DPF3: variants seen among roughly 807,000 people sequenced by gnomAD.
DPF3 encodes zinc finger protein DPF3.
In DPF3, 18 loss-of-function variants were observed where a neutral mutation model predicts 56.8. The observed-to-expected ratio is 0.32, with a 90% CI of 0.22 to 0.47. The LOEUF (loss-of-function observed/expected upper bound fraction) is 0.47, where lower values mean the gene tolerates loss of function less well. Ranked by LOEUF, DPF3 falls within the 20% of genes least tolerant of loss-of-function variation. DPF3 has a pLI of 1.00. For synonymous variants in DPF3, 188 were observed against 180.2 expected (o/e 1.04, Z -0.35); for missense variants, 403 against 488.8 (o/e 0.82, Z 1.65).
rs187775862 is a variant in DPF3, at chr14:72,810,690, C to G, written c.33-38797G>C. Among the ~76,000 whole-genome samples the G allele has an allele frequency of 2.2e-4, 34 of 152,244 alleles. No homozygotes were observed. In the East Asian group the frequency reaches 6.0e-3, roughly 27 times the overall value. ...TAGGGTCCCCCACCCAGCAAGCACCCACATCACGTTTCATCAGAAGAACTC... is the reference window on the plus strand; with the variant it reads ...TAGGGTCCCCCACCCAGCAAGCACCGACATCACGTTTCATCAGAAGAACTC... On this transcript the variant is annotated intron_variant, in intron 1 of 10. Coordinates refer to ENST00000556509, the MANE Select transcript of DPF3 (RefSeq NM_001280542.3).
At chr14:72,711,810 G>A (rs896060534) in intron 6 of DPF3, among the ~76,000 whole-genome samples, 1 of 152,126 alleles carries the variant, frequency 6.6e-6, no homozygotes, top group Non-Finnish European at 1.5e-5. Flanking sequence ...CATCATGGAA[G>A]AAAGGGCAGC....
chr14:72,753,708 A>G (rs141505090), intron 2 of DPF3, among the ~76,000 whole-genome samples: 1 of 152,254 alleles, frequency 6.6e-6, no homozygotes, highest in South Asian at 2.1e-4. Flanking sequence ...AAAGCAGTGG[A>G]TCTCTATCCA....
chr14:72,662,248 A>G (rs1322257101), intron 8 of DPF3: 1 of 985,448 alleles, frequency 1.0e-6, no homozygotes, highest in East Asian at 1.1e-4. Context: ...AAAGCCTGAG[A>G]GAGCAGAGTT....
intron 6 of DPF3, 58 bp downstream of exon 6, chr14:72,714,365 A>AG (rs1385757030): frequency 1.3e-6 from 2 of 1,598,704 alleles, no homozygotes; most frequent in African/African-American, 1.3e-5. Context: ...CACAGGGAAG[A>AG]GGGGCCCTGG....
intron 3 of DPF3, among the ~76,000 whole-genome samples, chr14:72,747,036 C>G (rs1890354753): frequency 6.6e-6 from 1 of 152,232 alleles, no homozygotes; most frequent in African/African-American, 2.4e-5. Context: ...GCAGAAGGCA[C>G]AAACACTCAA....
intron 2 of DPF3, among the ~76,000 whole-genome samples, chr14:72,760,638 C>T (rs1316703547): frequency 1.3e-5 from 2 of 152,002 alleles, no homozygotes; most frequent in Non-Finnish European, 2.9e-5. Context: ...TGAAAGTTAA[C>T]TATAATTAAA....
At chr14:72,879,836 G>A in intron 1 of DPF3, 1 of 1,535,636 alleles carries the variant, frequency 6.5e-7, no homozygotes, top group Non-Finnish European at 8.7e-7. Flanking sequence ...GGCATCCAGA[G>A]ATGGGCTCTT....
chr14:72,645,099 T>G (rs1211269592), intron 8 of DPF3, among the ~76,000 whole-genome samples: 1 of 152,238 alleles, frequency 6.6e-6, no homozygotes, highest in Admixed American at 6.5e-5. Context: ...AAAAGTTTCA[T>G]GTGAGAATTA....
At chr14:72,893,424 C>G (rs1347601948) in intron 1 of DPF3, among the ~76,000 whole-genome samples, 1 of 152,122 alleles carries the variant, frequency 6.6e-6, no homozygotes, top group Non-Finnish European at 1.5e-5. Flanking sequence ...CGGGGAAAGC[C>G]CGGGGCGACC....
intron 1 of DPF3, among the ~76,000 whole-genome samples, chr14:72,834,842 A>G (rs956123624): frequency 1.1e-4 from 17 of 152,248 alleles, no homozygotes; most frequent in African/African-American, 3.9e-4. Context: ...TGGCGTATTC[A>G]TACAAGGGAC....
chr14:72,851,345 C>G (rs574511092), intron 1 of DPF3, among the ~76,000 whole-genome samples: 12 of 152,158 alleles, frequency 7.9e-5, no homozygotes, highest in Non-Finnish European at 1.5e-4. Flanking sequence ...TCAAAACAAG[C>G]CTTTTTCTCT....
At position 72,889,553 on chromosome 14, in the gene DPF3, C is replaced by T. The variant is rs1886672035; in HGVS notation, c.32+4504G>A. Among the ~76,000 whole-genome samples, 3 of 152,190 alleles carry T rather than the reference C, an allele frequency of 2.0e-5. No individual in the cohort carries two copies. In the South Asian group the frequency reaches 6.2e-4, roughly 32 times the overall value. On this transcript the variant is annotated intron_variant, in intron 1 of 10. Transcript: ENST00000556509. The stretch of plus-strand genomic sequence containing the variant: ...CCTACCCACATCCCCCCAACCTCGA[C>T]AGAAAGAGCTAAGAGGAGATTAGAA...
At chr14:72,642,388 T>G (rs1041315393) in intron 8 of DPF3, among the ~76,000 whole-genome samples, 1 of 152,246 alleles carries the variant, frequency 6.6e-6, no homozygotes, top group Non-Finnish European at 1.5e-5. Flanking sequence ...GTCTGCATTG[T>G]GCTCCCAGCC....
chr14:72,736,824 G>A (rs1240102066), intron 3 of DPF3, among the ~76,000 whole-genome samples: 1 of 151,884 alleles, frequency 6.6e-6, no homozygotes, highest in African/African-American at 2.4e-5. Flanking sequence ...CACATAACCC[G>A]ACAGGAGCCA....
intron 6 of DPF3, among the ~76,000 whole-genome samples, chr14:72,709,274 G>A (rs1274811883): frequency 1.3e-5 from 2 of 152,186 alleles, no homozygotes; most frequent in Non-Finnish European, 2.9e-5. Flanking sequence ...GAGAGGGCCC[G>A]CTCCTGGTGT....
At position 72,715,348 on chromosome 14, in the gene DPF3, C is replaced by T. The variant is rs999753015; in HGVS notation, c.526-847G>A. 5.3e-5 allele frequency among the ~76,000 whole-genome samples: 8 copies of T among 152,234 alleles called. 1 individual carries two copies. In the South Asian group the frequency reaches 1.0e-3, roughly 20 times the overall value. Reference sequence around the variant, plus strand: ...CAGGGCGGTGGTGACAAGAACACAGCGAGGTTTATTTTTAAACCTTTGTAA... The same window carrying T: ...CAGGGCGGTGGTGACAAGAACACAGTGAGGTTTATTTTTAAACCTTTGTAA... On this transcript the variant is annotated intron_variant, in intron 5 of 10. Coordinates refer to ENST00000556509, the MANE Select transcript of DPF3 (RefSeq NM_001280542.3).
At position 72,663,166 on chromosome 14, in the gene DPF3, C is replaced by CAAAAAAAAAAAAAAAAAA. The variant is rs56335418; in HGVS notation, c.871+11056_871+11073dup. 5.3e-4 allele frequency among the ~76,000 whole-genome samples: 47 copies of CAAAAAAAAAAAAAAAAAA among 88,526 alleles called. 1 individual carries two copies. Among genetic ancestry groups the CAAAAAAAAAAAAAAAAAA allele is most frequent in the African/African-American group, 2.1e-3 (46 of 22,240 alleles). The allele number at this position is 88,526 out of a possible 152,430, so 58.1% of individuals were successfully genotyped here. A position where few individuals can be genotyped will look rare whatever the true frequency, so the allele number is the denominator to read the frequency against. On this transcript the variant is annotated intron_variant, in intron 8 of 10. Transcript: ENST00000556509. ...TGTAGCAGGCAGAACTGGGTGTTAGCAAAAAAAAAAAAAAAAAATTCCCCT... is the reference window on the plus strand; with the variant it reads ...TGTAGCAGGCAGAACTGGGTGTTAGCAAAAAAAAAAAAAAAAAAAAAAAAAAAAAAAAAAAATTCCCCT...
Position 72,618,921 on chromosome 14 carries a change from A to G in DPF3, c.*376T>C, listed in dbSNP as rs1469114416. Among the ~76,000 whole-genome samples, 1 of 152,068 alleles carries G rather than the reference A, an allele frequency of 6.6e-6. No homozygotes were observed. Among genetic ancestry groups the G allele is most frequent in the East Asian group, 1.9e-4 (1 of 5,186 alleles). Reference sequence around the variant, plus strand: ...CAAGATTTCTTGGAACACAATAGATAAAAAAACACCACACTACACACAAGT... The same window carrying G: ...CAAGATTTCTTGGAACACAATAGATGAAAAAACACCACACTACACACAAGT... On this transcript the variant is annotated 3_prime_UTR_variant, in exon 11 of 11. Coordinates refer to ENST00000556509, the MANE Select transcript of DPF3 (RefSeq NM_001280542.3).
chr14:72,663,530 A>G (rs566066171), intron 8 of DPF3, among the ~76,000 whole-genome samples: 1 of 152,302 alleles, frequency 6.6e-6, no homozygotes, highest in African/African-American at 2.4e-5. Context: ...GGTGGTTCAC[A>G]CAGGTGGGCC....
Sources: gnomAD v4.1 joint callset for allele counts (sites outside exome capture counted in the v4.1 genomes callset) on GRCh38, gnomAD v4.1.1 for gene constraint, MANE v1.5 for transcripts, NCBI Gene and HGNC (gene_info 2026-07-23, HGNC 2026-07-21) for gene names.